Variants in OR2C3 observed in about 807,000 individuals in gnomAD.
OR2C3 encodes the protein olfactory receptor family 2 subfamily C member 3.
For missense variants in OR2C3, 425 were observed against 401.5 expected, an observed-to-expected ratio of 1.06 and a Z score of -0.50; for synonymous variants, 178 against 163.4, an observed-to-expected ratio of 1.09 and a Z score of -0.68.
rs201468915 is a variant in OR2C3, at chr1:247,531,650, G to A, written c.862C>T (p.Pro288Ser). The A allele has an allele frequency of 7.4e-6, 12 of 1,614,136 alleles. No individual in the cohort carries two copies. The Admixed American group carries it at 1.0e-4, about 13-fold the overall frequency. Residue 288 changes from proline (P) to serine (S), a missense_variant, in exon 3 of 3, where the codon CCA (proline) becomes TCA (serine). By Grantham distance (74) the Pro-to-Ser change is moderately conservative. Transcript: ENST00000641802. The part of the protein sequence containing the change: ...FYTVVTPALN[P>S]LIYTLRNTEV... ...GTGTTCCTCAGGGTGTAAATAAGTG[G>A]GTTCAGCGCAGGAGTGACTACGGTG...
rs1282054207 is a variant in OR2C3 at position 247,528,560 on chromosome 1, C to T, written c.*2989G>A. The stretch of plus-strand genomic sequence containing the variant: ...AGTTTACAAATGAATCTGCATTATA[C>T]ACCAGCAACAGAAAGAAGCAAATGG... On this transcript the variant is annotated 3_prime_UTR_variant, in exon 3 of 3. Coordinates refer to ENST00000641802, the MANE Select transcript of OR2C3 (RefSeq NM_198074.6). 6.6e-6 allele frequency: 1 copy of T among 152,200 alleles called. No individual in the cohort carries two copies. The highest frequency in any genetic ancestry group is 2.4e-5 in the African/African-American group (1 of 41,450). 9.4% of individuals were successfully genotyped at this position (152,200 alleles called of 1,614,324 possible).
chr1:247,536,134 A>G (rs568133864), intron 1 of OR2C3, 34 bp downstream of exon 1: 1 of 152,318 alleles, frequency 6.6e-6, no homozygotes, highest in African/African-American at 2.4e-5. Context: ...AACAACAACA[A>G]CAAACAAACG....
At position 247,526,928 on chromosome 1, in the gene OR2C3, ACTTT is replaced by A. The variant is rs1441833943; in HGVS notation, c.*4617_*4620del. 6.6e-6 allele frequency: 3 copies of A among 455,898 alleles called. No individual in the cohort carries two copies. The highest frequency in any genetic ancestry group is 2.0e-5 in the African/African-American group (1 of 50,136). The allele number at this position is 455,898 out of a possible 1,614,324, so 28.2% of individuals were successfully genotyped here. ...CCTCTATTTAGAAAGGTCTTCTTTC[ACTTT>A]CTTTCAGGATTTACTGCCTCAAGAT... is the stretch of plus-strand genomic sequence containing the variant. On this transcript the variant is annotated 3_prime_UTR_variant, in exon 3 of 3. Coordinates refer to ENST00000641802, the MANE Select transcript of OR2C3 (RefSeq NM_198074.6). The surrounding 1 kb of genome is among the most constrained non-coding windows in gnomAD (Gnocchi z 4.8).
chr1:247,525,427 C>G lies in OR2C3; in HGVS notation c.*6122G>C, dbSNP rs1231905962. Reference sequence around the variant, plus strand: ...TCTGACCAGTCAATCAGCTGTAAGTCTGGGTTACCACAGCCCCCTTCTTGG... The same window carrying G: ...TCTGACCAGTCAATCAGCTGTAAGTGTGGGTTACCACAGCCCCCTTCTTGG... On this transcript the variant is annotated 3_prime_UTR_variant, in exon 3 of 3. Coordinates refer to ENST00000641802, the MANE Select transcript of OR2C3 (RefSeq NM_198074.6). The G allele has an allele frequency of 6.6e-6, 1 of 152,196 alleles. No homozygotes were observed. The allele number at this position is 152,196 out of a possible 1,614,324, so 9.4% of individuals were successfully genotyped here. A position where few individuals can be genotyped will look rare whatever the true frequency, so the allele number is the denominator to read the frequency against.
At position 247,526,722 on chromosome 1, in the gene OR2C3, G is replaced by A. The variant is rs559138485; in HGVS notation, c.*4827C>T. 6.7e-5 allele frequency: 24 copies of A among 356,512 alleles called. No homozygotes were observed. Among genetic ancestry groups the A allele is most frequent in the South Asian group, 4.6e-4 (21 of 45,762 alleles). The allele number at this position is 356,512 out of a possible 1,614,324, so 22.1% of individuals were successfully genotyped here. A position where few individuals can be genotyped will look rare whatever the true frequency, so the allele number is the denominator to read the frequency against. ...GGATGATCCAGGTTTTCTGTCCTGT[G>A]AGAAGCCATCAAAGCCTATGGTTGC... On this transcript the variant is annotated 3_prime_UTR_variant, in exon 3 of 3. Coordinates refer to ENST00000641802, the MANE Select transcript of OR2C3 (RefSeq NM_198074.6). The surrounding 1 kb of genome is among the most constrained non-coding windows in gnomAD (Gnocchi z 4.8).
Position 247,527,128 on chromosome 1 carries a change from G to A in OR2C3, c.*4421C>T. 2 of 452,308 alleles carry A rather than the reference G, an allele frequency of 4.4e-6. No homozygotes were observed. Among genetic ancestry groups the A allele is most frequent in the South Asian group, 3.1e-5 (2 of 63,678 alleles). 28.0% of individuals were successfully genotyped at this position (452,308 alleles called of 1,614,324 possible). ...CTTCATTTTCTGTTAAGCATTTAGGGAGCAGTTGGGTGAGCACATGACCAA... is the reference window on the plus strand; with the variant it reads ...CTTCATTTTCTGTTAAGCATTTAGGAAGCAGTTGGGTGAGCACATGACCAA... On this transcript the variant is annotated 3_prime_UTR_variant, in exon 3 of 3. Transcript: ENST00000641802. The surrounding 1 kb of genome is among the most constrained non-coding windows in gnomAD (Gnocchi z 4.6).
At position 247,532,084 on chromosome 1, in the gene OR2C3, A is replaced by T; in HGVS notation, c.428T>A (p.Leu143His). Residue 143 changes from leucine to histidine, a missense_variant, in exon 3 of 3, where the codon CTT (leucine) becomes CAT (histidine). Physicochemically the swap from Leu to His is moderately conservative, Grantham distance 99. Transcript: ENST00000641802. ...YTVIMHPQLC[L>H]GLALASWLGG... ...CAGCCAGGAGGCCAAAGCTAGCCCAAGGCAAAGCTGTGGATGCATAATGAC... is the reference window on the plus strand; with the variant it reads ...CAGCCAGGAGGCCAAAGCTAGCCCATGGCAAAGCTGTGGATGCATAATGAC... The T allele has an allele frequency of 6.2e-7, 1 of 1,614,120 alleles. No homozygotes were observed. Among genetic ancestry groups the T allele is most frequent in the Non-Finnish European group, 8.5e-7 (1 of 1,179,994 alleles).
chr1:247,532,716 C>G, intron 2 of OR2C3, 176 bp from the exon 3 acceptor site: 2 of 578,706 alleles, frequency 3.5e-6, no homozygotes, highest in Non-Finnish European at 6.1e-6. Context: ...CCCACCTCAA[C>G]TTCCTTGGTA....
intron 2 of OR2C3, among the ~76,000 whole-genome samples, chr1:247,532,925 CACTGCTTTTTTAAA>C (rs1177072744): frequency 2.2e-4 from 34 of 152,234 alleles, no homozygotes; most frequent in Non-Finnish European, 4.4e-5. Flanking sequence ...AAATCCTTAG[CACTGCTTTTTTAAA>C]ATGGAAATAT....
In OR2C3 at chr1:247,526,951, T is replaced by C; in HGVS notation, c.*4598A>G. On this transcript the variant is annotated 3_prime_UTR_variant, in exon 3 of 3. Coordinates refer to ENST00000641802, the MANE Select transcript of OR2C3 (RefSeq NM_198074.6). This position sits in a 1 kb window ranked among gnomAD's most constrained non-coding sequence, Gnocchi z 4.8. The stretch of plus-strand genomic sequence containing the variant: ...TCACTTTCTTTCAGGATTTACTGCC[T>C]CAAGATGGTTATGTTGGAGGATTCC... 2.2e-6 allele frequency: 1 copy of C among 456,688 alleles called. No homozygotes were observed. Among genetic ancestry groups the C allele is most frequent in the Non-Finnish European group, 4.4e-6 (1 of 226,976 alleles). 28.3% of individuals were successfully genotyped at this position (456,688 alleles called of 1,614,324 possible). A position where few individuals can be genotyped will look rare whatever the true frequency, so the allele number is the denominator to read the frequency against.
Position 247,532,357 on chromosome 1 carries a change from G to A in OR2C3, c.155C>T (p.Thr52Ile), listed in dbSNP as rs2103005518. 6.2e-7 allele frequency: 1 copy of A among 1,613,918 alleles called. No homozygotes were observed. Among genetic ancestry groups the A allele is most frequent in the Non-Finnish European group, 8.5e-7 (1 of 1,179,790 alleles). The change falls in exon 3 of 3, where the codon ACA becomes ATA. Residue 52 changes from threonine (T) to isoleucine (I), a missense_variant. Transcript: ENST00000641802. ...CATAGGTGTGTGGAGGTGCACATCT[G>A]TATGGGAGACCAGAATGATGATGCC... ...GNGIIILVSH[T>I]DVHLHTPMYF... is the part of the protein sequence containing the mutation.
rs753436393 is a variant in OR2C3 at position 247,531,810 on chromosome 1, C to G, written c.702G>C (p.Gly234=). ...AACAGGTGTTGAATGCCTTTCTCCG[C>G]CCTTCTGCTGACCTGATCTTCAACA... The part of the protein sequence containing the change: ...RAVLKIRSAE[G]RRKAFNTCSS... The change falls in exon 3 of 3, where the codon GGG becomes GGC. Residue 234 remains glycine, a synonymous_variant. Transcript: ENST00000641802. 6.2e-7 allele frequency: 1 copy of G among 1,614,186 alleles called. No homozygotes were observed. Among genetic ancestry groups the G allele is most frequent in the Admixed American group, 1.7e-5 (1 of 60,020 alleles).
chr1:247,529,648 C>T lies in OR2C3; in HGVS notation c.*1901G>A, dbSNP rs957223920. 2.0e-5 allele frequency: 3 copies of T among 150,320 alleles called. No homozygotes were observed. The highest frequency in any genetic ancestry group is 2.0e-4 in the East Asian group (1 of 5,118). 9.3% of individuals were successfully genotyped at this position (150,320 alleles called of 1,614,324 possible). A position where few individuals can be genotyped will look rare whatever the true frequency, so the allele number is the denominator to read the frequency against. The stretch of plus-strand genomic sequence containing the variant: ...GGGTTTGGTGTGATGGTTCATTTTA[C>T]ATATCAACTTGGTTGGACTATGGTG... On this transcript the variant is annotated 3_prime_UTR_variant, in exon 3 of 3. Coordinates refer to ENST00000641802, the MANE Select transcript of OR2C3 (RefSeq NM_198074.6).
Position 247,532,003 on chromosome 1 carries a change from C to CA in OR2C3, c.508dup (p.Cys170LeufsTer28). 2 of 1,614,146 alleles carry CA rather than the reference C, an allele frequency of 1.2e-6. No individual in the cohort carries two copies. The highest frequency in any genetic ancestry group is 8.5e-7 in the Non-Finnish European group (1 of 1,180,016). On this transcript the variant is annotated frameshift_variant, in exon 3 of 3. Coordinates refer to ENST00000641802, the MANE Select transcript of OR2C3 (RefSeq NM_198074.6). LOFTEE classifies it low-confidence loss of function (END_TRUNC). ...GAAGTGGTCGATGCAATTGTTCCCA[C>CA]ACAGCGGTAGGAGCATGGTGAGCGT...
chr1:247,530,370 T>C lies in OR2C3; in HGVS notation c.*1179A>G, dbSNP rs936969063. On this transcript the variant is annotated 3_prime_UTR_variant, in exon 3 of 3. Coordinates refer to ENST00000641802, the MANE Select transcript of OR2C3 (RefSeq NM_198074.6). ...AATTAGGACTCGTTTGTCCTTTAGA[T>C]ACACTGTATACATAGATAAGTAAAA... 3 of 152,080 alleles carry C rather than the reference T, an allele frequency of 2.0e-5. No individual in the cohort carries two copies. The highest frequency in any genetic ancestry group is 7.2e-5 in the African/African-American group (3 of 41,394). 9.4% of individuals were successfully genotyped at this position (152,080 alleles called of 1,614,324 possible). A position where few individuals can be genotyped will look rare whatever the true frequency, so the allele number is the denominator to read the frequency against.
rs1572297945 is a variant in OR2C3, at chr1:247,524,772, G to A, written c.*6777C>T. ...ACAAAACATAGCAAAAGGATAAAAC[G>A]TCCCACTAGAAAAACGATTCAACAC... On this transcript the variant is annotated 3_prime_UTR_variant, in exon 3 of 3. Coordinates refer to ENST00000641802, the MANE Select transcript of OR2C3 (RefSeq NM_198074.6). 6.6e-6 allele frequency: 1 copy of A among 151,978 alleles called. No homozygotes were observed. Among genetic ancestry groups the A allele is most frequent in the South Asian group, 2.1e-4 (1 of 4,818 alleles). The allele number at this position is 151,978 out of a possible 1,614,324, so 9.4% of individuals were successfully genotyped here.
Position 247,527,552 on chromosome 1 carries a change from G to A in OR2C3, c.*3997C>T, listed in dbSNP as rs899055654. ...TTCAAGAGGTTAGGGAAAGTTTTTA[G>A]TATTCAGATTGAAGTTTTTCTTCAG... On this transcript the variant is annotated 3_prime_UTR_variant, in exon 3 of 3. Transcript: ENST00000641802. This position sits in a 1 kb window ranked among gnomAD's most constrained non-coding sequence, Gnocchi z 4.6. 2.0e-5 allele frequency: 3 copies of A among 152,426 alleles called. No individual in the cohort carries two copies. The highest frequency in any genetic ancestry group is 7.2e-5 in the African/African-American group (3 of 41,450). 9.4% of individuals were successfully genotyped at this position (152,426 alleles called of 1,614,324 possible).
intron 1 of OR2C3, among the ~76,000 whole-genome samples, chr1:247,534,208 T>C (rs1246727270): frequency 6.6e-6 from 1 of 152,214 alleles, no homozygotes; most frequent in Non-Finnish European, 1.5e-5. Context: ...CCCGTCTCGC[T>C]CCACTAGATC....
Position 247,529,759 on chromosome 1 carries a change from T to A in OR2C3, c.*1790A>T, listed in dbSNP as rs1034138489. On this transcript the variant is annotated 3_prime_UTR_variant, in exon 3 of 3. Transcript: ENST00000641802. ...TTTTTTTTTTTTGATGCGATTAACA[T>A]TTAAATCAGTAGACTTTTAGTAAAG... 12 of 141,752 alleles carry A rather than the reference T, an allele frequency of 8.5e-5. No homozygotes were observed. The highest frequency in any genetic ancestry group is 1.5e-5 in the Non-Finnish European group (1 of 66,414). 8.8% of individuals were successfully genotyped at this position (141,752 alleles called of 1,614,324 possible). A position where few individuals can be genotyped will look rare whatever the true frequency, so the allele number is the denominator to read the frequency against.
Sources: allele counts gnomAD v4.1 joint callset (sites outside exome capture counted in the v4.1 genomes callset), GRCh38; gene constraint gnomAD v4.1.1; non-coding constraint Gnocchi (gnomAD v3.1); transcripts MANE v1.5; gene names NCBI Gene and HGNC (gene_info 2026-07-23, HGNC 2026-07-21).